SLC66A1: variants seen among roughly 807,000 people sequenced by gnomAD.
The protein encoded by SLC66A1 is solute carrier family 66 member 1, also known as lysosomal amino acid transporter 1 homolog.
A neutral mutation model predicts 33.0 loss-of-function variants in SLC66A1; 23 were observed. That is an observed-to-expected ratio of 0.70 (90% CI 0.50 to 0.99). The LOEUF (loss-of-function observed/expected upper bound fraction) is 0.99. Among genes scored for constraint, SLC66A1 ranks in the 50% least tolerant of loss-of-function variants. The pLI is 0.00. For synonymous variants in SLC66A1, 164 were observed against 175.5 expected (o/e 0.93, Z 0.52); for missense variants, 335 against 383.6 (o/e 0.87, Z 1.06).
chr1:19,325,645 G>A, intron 4 of SLC66A1, 63 bp downstream of exon 4: 1 of 1,291,850 alleles, frequency 7.7e-7, no homozygotes, highest in South Asian at 1.2e-5. Context: ...TTGTGGGGGG[G>A]GGCGCCTGGA....
chr1:19,319,821 T>C (rs562603023), intron 2 of SLC66A1, among the ~76,000 whole-genome samples: 131 of 150,582 alleles, frequency 8.7e-4, no homozygotes, highest in African/African-American at 3.0e-3. Flanking sequence ...GGGAATTGCT[T>C]GAGCCCACCA....
downstream of SLC66A1, among the ~76,000 whole-genome samples, chr1:19,330,016 G>A (rs918728417): frequency 4.6e-5 from 7 of 152,118 alleles, no homozygotes; most frequent in East Asian, 1.9e-4. Context: ...AGCCCAGGCC[G>A]GAGTACAGTG....
At chr1:19,318,403 C>G (rs1287131280) in intron 2 of SLC66A1, among the ~76,000 whole-genome samples, 3 of 152,156 alleles carry the variant, frequency 2.0e-5, no homozygotes, top group Non-Finnish European at 4.4e-5. Context: ...GCATCTTGAC[C>G]TGGGCGTGTC....
Position 19,328,754 on chromosome 1 carries a change from CTG to C in SLC66A1, c.*112_*113del, listed in dbSNP as rs1167720133. 1.7e-6 allele frequency: 2 copies of C among 1,199,514 alleles called. No individual in the cohort carries two copies. The highest frequency in any genetic ancestry group is 1.2e-6 in the Non-Finnish European group (1 of 844,294). 74.3% of individuals were successfully genotyped at this position (1,199,514 alleles called of 1,614,324 possible). ...CCCTGCATCAGCCTGCGGGTGGCCT[CTG>C]GATCCTCCGTGGACCGAACCGTCCC... is the stretch of plus-strand genomic sequence containing the variant. On this transcript the variant is annotated 3_prime_UTR_variant, in exon 8 of 8. Transcript: ENST00000375153. The surrounding 1 kb of genome is among the most constrained non-coding windows in gnomAD (Gnocchi z 4.7).
Position 19,319,605 on chromosome 1 carries a change from G to GTTTTTTTTTTTTTT in SLC66A1, c.164+1767_164+1780dup, listed in dbSNP as rs569177720. ...GATTAATGTTGCTGTGCACATTCAT[G>GTTTTTTTTTTTTTT]TTTTTTTTTTTTTTTTGCCTGGTGC... On this transcript the variant is annotated intron_variant, in intron 2 of 7. Coordinates refer to ENST00000375153, the MANE Select transcript of SLC66A1 (RefSeq NM_001040125.2). Among the ~76,000 whole-genome samples the GTTTTTTTTTTTTTT allele has an allele frequency of 6.3e-5, 7 of 111,870 alleles. 1 individual carries two copies. In the East Asian group the frequency reaches 8.3e-4, roughly 13 times the overall value. The allele number at this position is 111,870 out of a possible 152,430, so 73.4% of individuals were successfully genotyped here. A position where few individuals can be genotyped will look rare whatever the true frequency, so the allele number is the denominator to read the frequency against.
In SLC66A1 at chr1:19,318,780, C is replaced by T. The variant is rs529929660; in HGVS notation, c.164+939C>T. Among the ~76,000 whole-genome samples, 373 of 133,476 alleles carry T rather than the reference C, an allele frequency of 2.8e-3. 4 individuals carry two copies. The highest frequency in any genetic ancestry group is 0.019 in the Middle Eastern group (5 of 258). 87.6% of individuals were successfully genotyped at this position (133,476 alleles called of 152,430 possible). ...CTGGCCAACACAGTGAGACCCCCAT[C>T]TCTACCAAAAAAAAAAAAAAAATTA... is the stretch of plus-strand genomic sequence containing the variant. On this transcript the variant is annotated intron_variant, in intron 2 of 7. Transcript: ENST00000375153.
chr1:19,330,571 C>A (rs955559465), downstream of SLC66A1, among the ~76,000 whole-genome samples: 14 of 152,260 alleles, frequency 9.2e-5, no homozygotes, highest in Admixed American at 2.0e-4. Flanking sequence ...TCAGGGAGGA[C>A]TTCTCAGAGG....
downstream of SLC66A1, among the ~76,000 whole-genome samples, chr1:19,332,697 G>A (rs192030855): frequency 2.6e-5 from 4 of 152,348 alleles, no homozygotes; most frequent in Middle Eastern, 3.4e-3. Flanking sequence ...GGGCAAACAT[G>A]TTACCAAGTT....
chr1:19,327,133 C>T (rs925791189), intron 6 of SLC66A1, 94 bp from the exon 7 acceptor site: 9 of 1,250,012 alleles, frequency 7.2e-6, no homozygotes, highest in East Asian at 2.3e-5. Context: ...AGAGCAGGTG[C>T]ACTGTGGTGG....
At chr1:19,320,205 G>A (rs2093827439) in intron 2 of SLC66A1, among the ~76,000 whole-genome samples, 1 of 151,710 alleles carries the variant, frequency 6.6e-6, no homozygotes, top group South Asian at 2.1e-4. Context: ...CCGACCTTCA[G>A]GTATGAGTTT....
chr1:19,316,029 C>T (rs1285081489), intron 1 of SLC66A1, among the ~76,000 whole-genome samples: 1 of 152,178 alleles, frequency 6.6e-6, no homozygotes, highest in African/African-American at 2.4e-5. Flanking sequence ...ATGGAGATGG[C>T]CCAGCCGAGC....
rs748524579 is a variant in SLC66A1 at position 19,324,590 on chromosome 1, A to T, written c.165-43A>T. 28 of 1,611,914 alleles carry T rather than the reference A, an allele frequency of 1.7e-5. No homozygotes were observed. The Admixed American group carries it at 4.0e-4, about 23-fold the overall frequency. ...TCCCCTATAAGGCGGCATCCCCTGT[A>T]AGGTGGCCTGAGCATGCATCCCTTC... On this transcript the variant is annotated intron_variant, in intron 2 of 7. Transcript: ENST00000375153.
At chr1:19,320,412 CTT>C (rs34520375) in intron 2 of SLC66A1, among the ~76,000 whole-genome samples, 24,958 of 96,004 alleles carry the variant, frequency 0.26, 1,284 homozygotes, top group Non-Finnish European at 0.28. Flanking sequence ...GGTGGCCTGT[CTT>C]TTTTTTTTTT....
At chr1:19,324,328 G>A (rs2093852045) in intron 2 of SLC66A1, among the ~76,000 whole-genome samples, 1 of 152,244 alleles carries the variant, frequency 6.6e-6, no homozygotes, top group African/African-American at 2.4e-5. Flanking sequence ...CCCTACATAA[G>A]CCCCAGATCC....
intron 2 of SLC66A1, among the ~76,000 whole-genome samples, chr1:19,323,542 G>C (rs914732073): frequency 6.6e-6 from 1 of 152,142 alleles, no homozygotes; most frequent in African/African-American, 2.4e-5. Context: ...GAACAGCTGG[G>C]ATTACAGGCG....
rs139369121 is a variant in SLC66A1, at chr1:19,312,818, C to T, written c.-150C>T. The T allele has an allele frequency of 9.6e-3, 1,467 of 152,956 alleles. 35 individuals carry two copies. Among genetic ancestry groups the T allele is most frequent in the African/African-American group, 0.033 (1,366 of 41,588 alleles). 9.5% of individuals were successfully genotyped at this position (152,956 alleles called of 1,614,324 possible). A position where few individuals can be genotyped will look rare whatever the true frequency, so the allele number is the denominator to read the frequency against. On this transcript the variant is annotated 5_prime_UTR_variant, in exon 1 of 8. Transcript: ENST00000375153. Reference sequence around the variant, plus strand: ...GGTGGTAGCCCCGAGCTGGGACGCTCCTCCCTCCACAATCTCCCCAGGTCT... The same window carrying T: ...GGTGGTAGCCCCGAGCTGGGACGCTTCTCCCTCCACAATCTCCCCAGGTCT...
downstream of SLC66A1, among the ~76,000 whole-genome samples, chr1:19,332,077 C>T (rs2093894075): frequency 6.6e-6 from 1 of 152,216 alleles, no homozygotes; most frequent in African/African-American, 2.4e-5. Flanking sequence ...TCTCCTCTCC[C>T]TTGGAGGCCT....
chr1:19,322,079 G>A (rs1373845642), intron 2 of SLC66A1, among the ~76,000 whole-genome samples: 1 of 152,010 alleles, frequency 6.6e-6, no homozygotes, highest in Non-Finnish European at 1.5e-5. Flanking sequence ...GTGACGGGGA[G>A]GAAGGAGCAG....
intron 3 of SLC66A1, 39 bp downstream of exon 3, chr1:19,324,801 C>G: frequency 1.2e-6 from 2 of 1,607,284 alleles, no homozygotes; most frequent in Non-Finnish European, 8.5e-7. Context: ...TACCCCTAAC[C>G]CTGCTTCACC....
Sources: gnomAD v4.1 joint callset for allele counts (sites outside exome capture counted in the v4.1 genomes callset) on GRCh38, gnomAD v4.1.1 for gene constraint, Gnocchi (gnomAD v3.1) non-coding constraint, MANE v1.5 for transcripts, NCBI Gene and HGNC (gene_info 2026-07-23, HGNC 2026-07-21) for gene names.